SPAG16: variants seen among roughly 807,000 people sequenced by gnomAD.
SPAG16 encodes sperm associated antigen 16.
In SPAG16, 86 loss-of-function variants were observed where a neutral mutation model predicts 80.4. The ratio of observed to expected loss-of-function variants is 1.07; its 90% confidence interval spans 0.90 to 1.28. SPAG16 has a LOEUF of 1.28. Ranked by LOEUF, SPAG16 falls within the 50% of genes most tolerant of loss-of-function variation. SPAG16 has a pLI of 0.00. For synonymous variants in SPAG16, 294 were observed against 265.9 expected, an observed-to-expected ratio of 1.11 and a Z score of -1.03; for missense variants, 870 against 765.3, an observed-to-expected ratio of 1.14 and a Z score of -1.61.
At chr2:213,628,390 G>A (rs776576864) in intron 10 of SPAG16, among the ~76,000 whole-genome samples, 3 of 152,052 alleles carry the variant, frequency 2.0e-5, no homozygotes, top group Admixed American at 6.5e-5. Flanking sequence ...AATTACAGCT[G>A]GTCCTTTGCA....
intron 9 of SPAG16, among the ~76,000 whole-genome samples, chr2:213,411,767 C>T (rs1171785471): frequency 1.3e-5 from 2 of 152,076 alleles, no homozygotes; most frequent in Non-Finnish European, 2.9e-5. Flanking sequence ...CTGTGTCATA[C>T]CATACATCCG....
chr2:213,888,492 TC>T (rs751501304), intron 11 of SPAG16, among the ~76,000 whole-genome samples: 76 of 151,804 alleles, frequency 5.0e-4, no homozygotes, highest in Admixed American at 9.2e-4. Context: ...TGTCATACAC[TC>T]AGTTATTAGT....
At chr2:214,092,709 C>A (rs1462680066) in intron 13 of SPAG16, among the ~76,000 whole-genome samples, 4 of 152,030 alleles carry the variant, frequency 2.6e-5, no homozygotes, top group Non-Finnish European at 5.9e-5. Flanking sequence ...CATACCCAAC[C>A]TTCTAAACTC....
At chr2:213,967,471 A>G (rs1181200865) in intron 12 of SPAG16, among the ~76,000 whole-genome samples, 7 of 152,164 alleles carry the variant, frequency 4.6e-5, no homozygotes, top group African/African-American at 1.4e-4. Context: ...ATCTAAAAAG[A>G]TTTTCAAAAA....
At chr2:213,841,916 G>A (rs993790126) in intron 10 of SPAG16, among the ~76,000 whole-genome samples, 6 of 152,072 alleles carry the variant, frequency 3.9e-5, no homozygotes, top group African/African-American at 1.4e-4. Context: ...ATTGTAAGAA[G>A]CAGAATATTT....
chr2:214,277,636 T>C lies in SPAG16; in HGVS notation c.1720+128370T>C, dbSNP rs185808169. ...AGCGGAGGCTGAAGAATAGCAAATA[T>C]TGCAGAACAGCAAATATTGCTGCCT... is the stretch of plus-strand genomic sequence containing the variant. On this transcript the variant is annotated intron_variant, in intron 15 of 15. Transcript: ENST00000331683. Among the ~76,000 whole-genome samples the C allele has an allele frequency of 2.0e-5, 3 of 152,324 alleles. No individual in the cohort carries two copies. The East Asian group carries it at 5.8e-4, about 29-fold the overall frequency.
At chr2:213,971,471 A>G (rs2045050553) in intron 12 of SPAG16, among the ~76,000 whole-genome samples, 1 of 151,832 alleles carries the variant, frequency 6.6e-6, no homozygotes. Flanking sequence ...AAATTAACAT[A>G]TTATATTTTT....
At chr2:214,012,288 A>ATATATATATTTTTTTTTTTT (rs1553694500) in intron 12 of SPAG16, among the ~76,000 whole-genome samples, 1 of 46,820 alleles carries the variant, frequency 2.1e-5, no homozygotes, top group African/African-American at 1.2e-4. Flanking sequence ...ATATATATAT[A>ATATATATATTTTTTTTTTTT]TTTTTTTTTT....
chr2:213,718,100 C>T (rs983436223), intron 10 of SPAG16, among the ~76,000 whole-genome samples: 3 of 128,816 alleles, frequency 2.3e-5, no homozygotes, highest in African/African-American at 8.8e-5. Flanking sequence ...ACCTATCCAT[C>T]TGACAAAGGG....
At chr2:214,404,988 T>C (rs1701916566) in intron 15 of SPAG16, among the ~76,000 whole-genome samples, 1 of 152,124 alleles carries the variant, frequency 6.6e-6, no homozygotes, top group East Asian at 1.9e-4. Context: ...TTTCACAAAG[T>C]AGTAGAATCA....
rs376805327 is a variant in SPAG16, at chr2:213,739,477, A to C, written c.1071-123008A>C. ...ATAGATATCCACAAGTTTATCATGA[A>C]TTCTTTAAAAATAAACTCTTAATCT... On this transcript the variant is annotated intron_variant, in intron 10 of 15. Coordinates refer to ENST00000331683, the MANE Select transcript of SPAG16 (RefSeq NM_024532.5). Among the ~76,000 whole-genome samples, 70 of 152,344 alleles carry C rather than the reference A, an allele frequency of 4.6e-4. 1 individual carries two copies. Among genetic ancestry groups the C allele is most frequent in the African/African-American group, 1.6e-3 (67 of 41,566 alleles).
At chr2:214,111,159 C>A (rs1273771916) in intron 14 of SPAG16, among the ~76,000 whole-genome samples, 1 of 152,136 alleles carries the variant, frequency 6.6e-6, no homozygotes, top group African/African-American at 2.4e-5. Context: ...TCTATTCTGG[C>A]TTTTGTTGCC....
chr2:214,048,342 G>T (rs896869421), intron 13 of SPAG16, among the ~76,000 whole-genome samples: 3 of 152,134 alleles, frequency 2.0e-5, no homozygotes, highest in East Asian at 1.9e-4. Flanking sequence ...CAAAGAAAAT[G>T]TGGTACATTT....
At chr2:213,742,892 G>C (rs1363211929) in intron 10 of SPAG16, among the ~76,000 whole-genome samples, 1 of 150,310 alleles carries the variant, frequency 6.7e-6, no homozygotes, top group Non-Finnish European at 1.5e-5. Context: ...AAATTTGCCA[G>C]TATTTAACAT....
chr2:213,650,113 T>C (rs945192577), intron 10 of SPAG16, among the ~76,000 whole-genome samples: 1 of 152,148 alleles, frequency 6.6e-6, no homozygotes, highest in African/African-American at 2.4e-5. Context: ...TTCATATGGC[T>C]GATGTTTTAC....
At chr2:214,294,396 C>A (rs928343042) in intron 15 of SPAG16, among the ~76,000 whole-genome samples, 1 of 152,130 alleles carries the variant, frequency 6.6e-6, no homozygotes, top group Non-Finnish European at 1.5e-5. Context: ...CCAATAATTT[C>A]TCTGTTGAAT....
At position 214,027,334 on chromosome 2, in the gene SPAG16, A is replaced by G. The variant is rs905921307; in HGVS notation, c.1527+13257A>G. 2.0e-5 allele frequency among the ~76,000 whole-genome samples: 3 copies of G among 151,712 alleles called. No individual in the cohort carries two copies. In the South Asian group the frequency reaches 6.2e-4, roughly 31 times the overall value. On this transcript the variant is annotated intron_variant, in intron 13 of 15. Transcript: ENST00000331683. ...ATAAGCATTCTCATTCTTATTATCA[A>G]TGTATTATACATATATTATAGTTAA...
intron 10 of SPAG16, among the ~76,000 whole-genome samples, chr2:213,580,901 G>T (rs887864749): frequency 1.3e-5 from 2 of 151,948 alleles, no homozygotes; most frequent in East Asian, 3.9e-4. Flanking sequence ...TGTTTTGTGT[G>T]TGTGTGTGTT....
intron 10 of SPAG16, among the ~76,000 whole-genome samples, chr2:213,663,939 A>C (rs538704177): frequency 1.3e-5 from 2 of 152,178 alleles, no homozygotes; most frequent in East Asian, 3.9e-4. Flanking sequence ...AATTAGTATA[A>C]ACTTAGTTTA....
Sources: allele counts gnomAD v4.1 joint callset (sites outside exome capture counted in the v4.1 genomes callset), GRCh38; gene constraint gnomAD v4.1.1; transcripts MANE v1.5; gene names NCBI Gene and HGNC (gene_info 2026-07-23, HGNC 2026-07-21).